The following TRHDE variants were observed in gnomAD, a reference collection of about 807,000 sequenced individuals.
TRHDE encodes the protein thyrotropin releasing hormone degrading enzyme.
Under a neutral mutation model 125.7 loss-of-function variants are expected in TRHDE, and 72 were observed. That is an observed-to-expected ratio of 0.57 (90% CI 0.47 to 0.70). The LOEUF (loss-of-function observed/expected upper bound fraction) is 0.70, where lower values mean the gene tolerates loss of function less well. Among genes scored for constraint, TRHDE ranks in the 30% least tolerant of loss-of-function variants. The pLI is 0.00. For missense variants in TRHDE, 1,110 were observed against 1,327.1 expected (o/e 0.84, Z 2.54); for synonymous variants, 509 against 509.1 (o/e 1.00, Z 0.00).
intron 6 of TRHDE, among the ~76,000 whole-genome samples, chr12:72,533,996 G>C (rs1868716880): frequency 6.6e-6 from 1 of 152,080 alleles, no homozygotes; most frequent in South Asian, 2.1e-4. Flanking sequence ...GATATATGCT[G>C]AATTTCATGG....
intron 2 of TRHDE, among the ~76,000 whole-genome samples, chr12:72,370,487 T>C (rs1477213634): frequency 6.6e-6 from 1 of 152,198 alleles, no homozygotes; most frequent in Non-Finnish European, 1.5e-5. Context: ...ATTAAATTCA[T>C]ATTTTGCAAT....
intron 3 of TRHDE, among the ~76,000 whole-genome samples, chr12:72,382,629 C>T (rs1872237846): frequency 6.6e-6 from 1 of 152,154 alleles, no homozygotes; most frequent in Non-Finnish European, 1.5e-5. Context: ...GGAAGACTCT[C>T]TACCAGTTGG....
intron 18 of TRHDE, among the ~76,000 whole-genome samples, chr12:72,662,471 G>A (rs1026072637): frequency 1.3e-5 from 2 of 151,928 alleles, no homozygotes; most frequent in Non-Finnish European, 2.9e-5. Flanking sequence ...ATCTAGTTAC[G>A]CAGGTGATTG....
At chr12:72,659,535 T>C (rs1565826401) in intron 18 of TRHDE, among the ~76,000 whole-genome samples, 1 of 152,214 alleles carries the variant, frequency 6.6e-6, no homozygotes, top group East Asian at 1.9e-4. Flanking sequence ...GTTAATTCTA[T>C]TCATTTACAT....
At chr12:72,145,954 A>G (rs1305975178) in intron 2 of TRHDE, among the ~76,000 whole-genome samples, 2 of 152,200 alleles carry the variant, frequency 1.3e-5, no homozygotes, top group African/African-American at 4.8e-5. Flanking sequence ...AACTTGTTCT[A>G]TTTTAAAATT....
At chr12:72,242,124 A>G (rs144475162) in intron 2 of TRHDE, among the ~76,000 whole-genome samples, 370 of 152,360 alleles carry the variant, frequency 2.4e-3, no homozygotes, top group African/African-American at 8.3e-3. Context: ...TGTCTTTCAT[A>G]GAACACATTT....
chr12:72,461,150 A>T (rs1454778197), intron 3 of TRHDE, among the ~76,000 whole-genome samples: 1 of 152,218 alleles, frequency 6.6e-6, no homozygotes, highest in Admixed American at 6.5e-5. Context: ...AGTAGTGCTG[A>T]TGAAAGTTCT....
At chr12:72,185,700 G>A (rs1877193039) in intron 2 of TRHDE, among the ~76,000 whole-genome samples, 1 of 151,666 alleles carries the variant, frequency 6.6e-6, no homozygotes, top group African/African-American at 2.4e-5. Flanking sequence ...CACATTGTGA[G>A]TGCACCAATG....
At chr12:72,531,655 T>C (rs572421142) in intron 6 of TRHDE, among the ~76,000 whole-genome samples, 1 of 152,170 alleles carries the variant, frequency 6.6e-6, no homozygotes, top group Non-Finnish European at 1.5e-5. Context: ...TCTTCGTTGA[T>C]GTTGTGCTGT....
At chr12:72,324,634 A>G (rs1869253773) in intron 2 of TRHDE, among the ~76,000 whole-genome samples, 2 of 152,142 alleles carry the variant, frequency 1.3e-5, no homozygotes, top group South Asian at 2.1e-4. Context: ...CATTTGTGAC[A>G]TGGTGAAAGA....
chr12:72,211,570 T>G (rs1035508102), intron 2 of TRHDE, among the ~76,000 whole-genome samples: 1 of 152,170 alleles, frequency 6.6e-6, no homozygotes, highest in African/African-American at 2.4e-5. Context: ...TATTCAGAGG[T>G]GTTGATAATA....
intron 3 of TRHDE, among the ~76,000 whole-genome samples, chr12:72,415,302 G>A (rs2135819665): frequency 6.6e-6 from 1 of 152,102 alleles, no homozygotes; most frequent in South Asian, 2.1e-4. Context: ...TTTTGATACA[G>A]GCATACAATG....
At position 72,378,105 on chromosome 12, in the gene TRHDE, T is replaced by C; in HGVS notation, c.1299T>C (p.Tyr433=). 1 of 1,578,288 alleles carries C rather than the reference T, an allele frequency of 6.3e-7. No individual in the cohort carries two copies. Among genetic ancestry groups the C allele is most frequent in the African/African-American group, 1.4e-5 (1 of 72,992 alleles). The part of the protein sequence containing the change: ...EFYEDYFKVP[Y]SLPKLDLLAV... ...ATGAAGACTACTTTAAAGTGCCCTATTCCTTGCCAAAACTAGGTAAGAATT... is the reference window on the plus strand; with the variant it reads ...ATGAAGACTACTTTAAAGTGCCCTACTCCTTGCCAAAACTAGGTAAGAATT... The change falls in exon 3 of 19, where the codon TAT becomes TAC. Residue 433 remains tyrosine, a synonymous_variant. Transcript: ENST00000261180.
intron 12 of TRHDE, among the ~76,000 whole-genome samples, chr12:72,580,569 G>A (rs1398751803): frequency 6.6e-6 from 1 of 152,180 alleles, no homozygotes; most frequent in Non-Finnish European, 1.5e-5. Flanking sequence ...AGCCTCCTGA[G>A]TAGCTGGGAT....
At chr12:72,267,752 GA>G (rs1302464080), upstream of TRHDE, among the ~76,000 whole-genome samples, 1 of 152,038 alleles carries the variant, frequency 6.6e-6, no homozygotes, top group Non-Finnish European at 1.5e-5. Flanking sequence ...ATCAAATTTA[GA>G]TGTAAATTCC....
intron 2 of TRHDE, among the ~76,000 whole-genome samples, chr12:72,324,554 G>A (rs1869250686): frequency 6.6e-6 from 1 of 152,128 alleles, no homozygotes; most frequent in Admixed American, 6.6e-5. Context: ...GTCCACAGGA[G>A]TCATCAGAGC....
chr12:72,209,280 C>T (rs1877728714), intron 2 of TRHDE, among the ~76,000 whole-genome samples: 1 of 152,176 alleles, frequency 6.6e-6, no homozygotes, highest in Admixed American at 6.5e-5. Context: ...GACACTCTCC[C>T]AGGCCTCCCT....
chr12:72,209,804 C>G (rs1381812798), intron 2 of TRHDE, among the ~76,000 whole-genome samples: 2 of 152,174 alleles, frequency 1.3e-5, no homozygotes, highest in Non-Finnish European at 1.5e-5. Context: ...TTATGGCTTA[C>G]AAGAACAGTA....
At chr12:72,323,606 C>G (rs1010083808) in intron 2 of TRHDE, among the ~76,000 whole-genome samples, 2 of 152,200 alleles carry the variant, frequency 1.3e-5, no homozygotes, top group Admixed American at 6.6e-5. Context: ...TATAAGGGTA[C>G]CTGATACAAA....
Sources: allele counts gnomAD v4.1 joint callset (sites outside exome capture counted in the v4.1 genomes callset), GRCh38; gene constraint gnomAD v4.1.1; transcripts MANE v1.5; gene names NCBI Gene and HGNC (gene_info 2026-07-23, HGNC 2026-07-21).